Variants in GRIN2B observed in about 807,000 individuals in gnomAD.
GRIN2B encodes glutamate receptor ionotropic, NMDA 2B.
GRIN2B carries 5 observed loss-of-function variants against 114.5 expected under a neutral mutation model. That is an observed-to-expected ratio of 0.04 (90% CI 0.02 to 0.09). GRIN2B has a LOEUF of 0.09. Ranked by LOEUF, GRIN2B falls within the 10% of genes least tolerant of loss-of-function variation. The probability of loss-of-function intolerance (pLI) is 1.00; values close to 1 mark genes in which losing one functional copy is unlikely to be tolerated. For missense variants in GRIN2B, 1,108 were observed against 1,943.5 expected (o/e 0.57, Z 8.08); for synonymous variants, 787 against 745.1 (o/e 1.06, Z -0.92).
At position 13,537,703 on chromosome 12, in the gene GRIN2B, T is replaced by C. The variant is rs67664296; in HGVS notation, c.*25080A>G. The C allele has an allele frequency of 0.2, 30,425 of 152,146 alleles. 3,337 individuals carry two copies. The highest frequency in any genetic ancestry group is 0.47 in the East Asian group (2,442 of 5,146). 9.4% of individuals were successfully genotyped at this position (152,146 alleles called of 1,614,324 possible). A position where few individuals can be genotyped will look rare whatever the true frequency, so the allele number is the denominator to read the frequency against. ...ATCACCTGGGCAAGTTTTCAACCCC[T>C]AACCCCTCCAGCCACCCAGGACAAT... On this transcript the variant is annotated 3_prime_UTR_variant, in exon 14 of 14. Coordinates refer to ENST00000609686, the MANE Select transcript of GRIN2B (RefSeq NM_000834.5).
At chr12:13,890,000 G>A (rs373841495) in intron 2 of GRIN2B, among the ~76,000 whole-genome samples, 16 of 152,300 alleles carry the variant, frequency 1.1e-4, no homozygotes, top group Middle Eastern at 3.4e-3. Flanking sequence ...TCCAGTTAGT[G>A]AGGATCGAAA....
At chr12:13,590,623 CACATTTTCTTTATCCAGTCTATCATTG>C (rs1163157301) in intron 10 of GRIN2B, among the ~76,000 whole-genome samples, 21 of 152,092 alleles carry the variant, frequency 1.4e-4, no homozygotes, top group African/African-American at 5.1e-4. Context: ...GTGTAAGTGC[CACATTTTCTTTATCCAGTCTATCATTG>C]ATGGGCATTT....
At chr12:13,715,848 AT>A (rs1336090796) in intron 4 of GRIN2B, among the ~76,000 whole-genome samples, 1 of 151,900 alleles carries the variant, frequency 6.6e-6, no homozygotes, top group Non-Finnish European at 1.5e-5. Flanking sequence ...GGTCATTATA[AT>A]TTTTCATGTC....
At chr12:13,697,346 G>C (rs1950270485) in intron 4 of GRIN2B, among the ~76,000 whole-genome samples, 1 of 152,088 alleles carries the variant, frequency 6.6e-6, no homozygotes, top group South Asian at 2.1e-4. Context: ...GTCTATCAGG[G>C]CTTCTGACAC....
At chr12:13,704,721 A>T (rs1950343641) in intron 4 of GRIN2B, among the ~76,000 whole-genome samples, 2 of 152,196 alleles carry the variant, frequency 1.3e-5, no homozygotes, top group Non-Finnish European at 2.9e-5. Flanking sequence ...GAGATAAAAC[A>T]GCATCTGCCT....
chr12:13,921,373 C>T (rs1246105262), intron 2 of GRIN2B, among the ~76,000 whole-genome samples: 1 of 152,160 alleles, frequency 6.6e-6, no homozygotes, highest in Non-Finnish European at 1.5e-5. Flanking sequence ...CACTATACTC[C>T]AGCCTGGGTG....
At position 13,931,084 on chromosome 12, in the gene GRIN2B, A is replaced by C. The variant is rs147342828; in HGVS notation, c.-19+48844T>G. 9.2e-5 allele frequency among the ~76,000 whole-genome samples: 14 copies of C among 152,348 alleles called. No homozygotes were observed. The East Asian group carries it at 2.3e-3, about 25-fold the overall frequency. On this transcript the variant is annotated intron_variant, in intron 2 of 13. Coordinates refer to ENST00000609686, the MANE Select transcript of GRIN2B (RefSeq NM_000834.5). ...GACTACTAGTTCAGTTCTAGGCATT[A>C]CCTAGAAGCACTTGAGGTCGTATAG...
chr12:13,858,995 A>C (rs1265506920), intron 3 of GRIN2B, among the ~76,000 whole-genome samples: 2 of 152,252 alleles, frequency 1.3e-5, no homozygotes, highest in Non-Finnish European at 2.9e-5. Context: ...CAAGTGATTT[A>C]GGACAAGTCT....
chr12:13,584,077 G>A (rs1424701787), intron 10 of GRIN2B, among the ~76,000 whole-genome samples: 1 of 152,156 alleles, frequency 6.6e-6, no homozygotes, highest in Admixed American at 6.5e-5. Flanking sequence ...ACATTCAGAA[G>A]AACGAAGGAG....
rs575497211 is a variant in GRIN2B, at chr12:13,770,313, T to C, written c.412-16398A>G. Among the ~76,000 whole-genome samples the C allele has an allele frequency of 5.3e-5, 8 of 152,324 alleles. No homozygotes were observed. In the South Asian group the frequency reaches 1.7e-3, roughly 32 times the overall value. ...ACACTGGCCAATGAAGTGTCCATGA[T>C]CACTTCAAAAGAATTTAATGTTCAT... On this transcript the variant is annotated intron_variant, in intron 3 of 13. Coordinates refer to ENST00000609686, the MANE Select transcript of GRIN2B (RefSeq NM_000834.5).
At chr12:13,599,381 A>T (rs1030231898) in intron 10 of GRIN2B, among the ~76,000 whole-genome samples, 1 of 152,172 alleles carries the variant, frequency 6.6e-6, no homozygotes, top group African/African-American at 2.4e-5. Context: ...CTGAAACACA[A>T]AAGCCCAGAG....
At chr12:13,978,387 C>G (rs1396237664) in intron 2 of GRIN2B, among the ~76,000 whole-genome samples, 1 of 152,098 alleles carries the variant, frequency 6.6e-6, no homozygotes, top group Non-Finnish European at 1.5e-5. Context: ...CTGATTACAC[C>G]ATGGTTACAA....
At chr12:13,762,697 G>T (rs1353926714) in intron 3 of GRIN2B, among the ~76,000 whole-genome samples, 1 of 152,158 alleles carries the variant, frequency 6.6e-6, no homozygotes, top group African/African-American at 2.4e-5. Flanking sequence ...GTACACATGG[G>T]CCTCTTCAAG....
intron 3 of GRIN2B, among the ~76,000 whole-genome samples, chr12:13,846,334 T>G (rs1401873131): frequency 6.6e-6 from 1 of 152,222 alleles, no homozygotes; most frequent in Non-Finnish European, 1.5e-5. Context: ...CCATAAGACT[T>G]AAATTATTTT....
At position 13,658,906 on chromosome 12, in the gene GRIN2B, A is replaced by T. The variant is rs1202202562; in HGVS notation, c.1125+16839T>A. On this transcript the variant is annotated intron_variant, in intron 5 of 13. Transcript: ENST00000609686. ...CTGTCAGGCTGTCCTGGCTCTACCA[A>T]CCTCTTGGGTGGTGACTACTTCTCC... 2.0e-5 allele frequency among the ~76,000 whole-genome samples: 3 copies of T among 150,546 alleles called. No homozygotes were observed. The Admixed American group carries it at 2.0e-4, about 10-fold the overall frequency.
At chr12:13,694,427 G>C (rs1950240665) in intron 4 of GRIN2B, among the ~76,000 whole-genome samples, 1 of 151,834 alleles carries the variant, frequency 6.6e-6, no homozygotes, top group Non-Finnish European at 1.5e-5. Context: ...AGTAAGAAAA[G>C]TCATCATTCT....
chr12:13,947,503 C>T (rs1558908), intron 2 of GRIN2B, among the ~76,000 whole-genome samples: 8,679 of 152,060 alleles, frequency 0.057, 932 homozygotes, highest in East Asian at 0.41. Flanking sequence ...GAAATGTGGC[C>T]CATAAAGGGA....
At chr12:13,878,368 T>C (rs76213738) in intron 2 of GRIN2B, among the ~76,000 whole-genome samples, 18,496 of 152,220 alleles carry the variant, frequency 0.12, 1,160 homozygotes, top group South Asian at 0.2. Flanking sequence ...CTTCCAGACT[T>C]CAGAAATTGC....
intron 3 of GRIN2B, among the ~76,000 whole-genome samples, chr12:13,819,863 TC>T: frequency 6.6e-6 from 1 of 152,074 alleles, no homozygotes; most frequent in Non-Finnish European, 1.5e-5. Context: ...TAAAATGAAA[TC>T]CAGAAGGTCC....
Sources: gnomAD v4.1 joint callset for allele counts (sites outside exome capture counted in the v4.1 genomes callset) on GRCh38, gnomAD v4.1.1 for gene constraint, MANE v1.5 for transcripts, NCBI Gene and HGNC (gene_info 2026-07-23, HGNC 2026-07-21) for gene names.